GTF2E1: variants seen among roughly 807,000 people sequenced by gnomAD.
GTF2E1 encodes the protein TFIIE alpha subunit.
In GTF2E1, 14 loss-of-function variants were observed where a neutral mutation model predicts 34.9. That is an observed-to-expected ratio of 0.40 (90% confidence interval 0.27 to 0.63). The LOEUF is 0.63. GTF2E1 is among the 20% of genes least tolerant of loss of function. The pLI is 0.39. For missense variants in GTF2E1, 469 were observed against 557.7 expected (o/e 0.84, Z 1.60); for synonymous variants, 188 against 192.9 (o/e 0.97, Z 0.21).
intron 2 of GTF2E1, among the ~76,000 whole-genome samples, chr3:120,763,653 G>A (rs1051142496): frequency 6.6e-6 from 1 of 152,152 alleles, no homozygotes; most frequent in Non-Finnish European, 1.5e-5. Context: ...AGCTTTTTGA[G>A]TGAAGGGGAG....
At chr3:120,747,026 G>T (rs1709111832) in intron 1 of GTF2E1, among the ~76,000 whole-genome samples, 1 of 151,826 alleles carries the variant, frequency 6.6e-6, no homozygotes, top group African/African-American at 2.4e-5. Flanking sequence ...TAAGGGATTT[G>T]CTCAGGATTA....
Position 120,767,329 on chromosome 3 carries a change from A to G in GTF2E1, c.449-3399A>G, listed in dbSNP as rs532460687. Among the ~76,000 whole-genome samples the G allele has an allele frequency of 3.7e-4, 56 of 152,300 alleles. No homozygotes were observed. The South Asian group carries it at 6.4e-3, about 17-fold the overall frequency. On this transcript the variant is annotated intron_variant, in intron 2 of 4. Coordinates refer to ENST00000283875, the MANE Select transcript of GTF2E1 (RefSeq NM_005513.3). Reference sequence around the variant, plus strand: ...AGTATTTCTCTTCAGAGCAAAGAGCAGGTTTGCTTATGGTCCAGTATAAAA... The same window carrying G: ...AGTATTTCTCTTCAGAGCAAAGAGCGGGTTTGCTTATGGTCCAGTATAAAA...
At chr3:120,754,124 TG>T (rs1248609006) in intron 2 of GTF2E1, among the ~76,000 whole-genome samples, 1 of 152,160 alleles carries the variant, frequency 6.6e-6, no homozygotes, top group Non-Finnish European at 1.5e-5. Context: ...CAACCATGGG[TG>T]ATTTAGTTAA....
rs141486123 is a variant in GTF2E1, at chr3:120,752,021, AT to A, written c.448+1026del. ...GGTACATTTTAAATAATTAAAAAAA[AT>A]TTTTAAGTGGGAAATAACCCCAATA... On this transcript the variant is annotated intron_variant, in intron 2 of 4. Coordinates refer to ENST00000283875, the MANE Select transcript of GTF2E1 (RefSeq NM_005513.3). Among the ~76,000 whole-genome samples the A allele has an allele frequency of 4.5e-3, 684 of 152,310 alleles. 7 individuals carry two copies. Among genetic ancestry groups the A allele is most frequent in the African/African-American group, 0.016 (649 of 41,574 alleles).
intron 1 of GTF2E1, among the ~76,000 whole-genome samples, chr3:120,743,301 A>G (rs748906869): frequency 6.6e-6 from 1 of 152,184 alleles, no homozygotes; most frequent in Non-Finnish European, 1.5e-5. Context: ...CAGTCAGTAC[A>G]ATCTTTTAAC....
intron 2 of GTF2E1, among the ~76,000 whole-genome samples, chr3:120,751,990 A>G (rs1197595227): frequency 6.6e-6 from 1 of 152,146 alleles, no homozygotes; most frequent in Non-Finnish European, 1.5e-5. Flanking sequence ...TTTTTATGTT[A>G]TATATGGTAC....
At chr3:120,745,179 G>A (rs1709094509) in intron 1 of GTF2E1, among the ~76,000 whole-genome samples, 1 of 152,118 alleles carries the variant, frequency 6.6e-6, no homozygotes, top group Admixed American at 6.5e-5. Flanking sequence ...TGCAATTACA[G>A]GTATTAGCCA....
intron 1 of GTF2E1, among the ~76,000 whole-genome samples, chr3:120,746,025 A>C (rs1343427362): frequency 6.6e-6 from 1 of 152,032 alleles, no homozygotes; most frequent in Admixed American, 6.6e-5. Flanking sequence ...CTTTTGACTG[A>C]CTTTTACTTT....
intron 2 of GTF2E1, among the ~76,000 whole-genome samples, chr3:120,759,744 G>A (rs1486576863): frequency 1.3e-5 from 2 of 152,282 alleles, no homozygotes; most frequent in East Asian, 3.9e-4. Context: ...AGATCAGATG[G>A]TTATAGAGGT....
chr3:120,747,361 A>T (rs929856464), intron 1 of GTF2E1, among the ~76,000 whole-genome samples: 6 of 151,968 alleles, frequency 3.9e-5, no homozygotes, highest in Non-Finnish European at 8.8e-5. Flanking sequence ...CTCGTAATTT[A>T]ACATTAGGTA....
intron 2 of GTF2E1, among the ~76,000 whole-genome samples, chr3:120,761,113 T>C (rs1006201503): frequency 3.0e-4 from 46 of 152,336 alleles, no homozygotes; most frequent in African/African-American, 8.9e-4. Context: ...TATTGGTCTA[T>C]TCAGAGATTC....
At chr3:120,770,627 T>C in intron 2 of GTF2E1, 101 bp from the exon 3 acceptor site, 1 of 803,574 alleles carries the variant, frequency 1.2e-6, no homozygotes, top group Non-Finnish European at 2.1e-6. Context: ...AACCTTTGTG[T>C]ATATTTGAAA....
At chr3:120,755,094 A>C (rs1709197387) in intron 2 of GTF2E1, among the ~76,000 whole-genome samples, 1 of 152,186 alleles carries the variant, frequency 6.6e-6, no homozygotes, top group South Asian at 2.1e-4. Context: ...AGCATAAAGA[A>C]GTCTTTGATA....
At chr3:120,752,029 G>A (rs1709168568) in intron 2 of GTF2E1, among the ~76,000 whole-genome samples, 1 of 152,084 alleles carries the variant, frequency 6.6e-6, no homozygotes, top group South Asian at 2.1e-4. Context: ...AAATTTTTAA[G>A]TGGGAAATAA....
intron 1 of GTF2E1, among the ~76,000 whole-genome samples, chr3:120,748,866 A>C (rs1047297760): frequency 6.6e-6 from 1 of 152,188 alleles, no homozygotes; most frequent in African/African-American, 2.4e-5. Flanking sequence ...CACGATATTG[A>C]TTCTTCCTAC....
At chr3:120,780,565 A>G (rs1400856109) in intron 4 of GTF2E1, among the ~76,000 whole-genome samples, 3 of 152,308 alleles carry the variant, frequency 2.0e-5, no homozygotes, top group Middle Eastern at 3.4e-3. Context: ...AGGATTCCAG[A>G]TGATGTGGGA....
intron 4 of GTF2E1, among the ~76,000 whole-genome samples, chr3:120,779,071 ACT>A (rs1256151923): frequency 2.0e-5 from 3 of 152,178 alleles, no homozygotes; most frequent in Non-Finnish European, 4.4e-5. Context: ...TCCTAGAACC[ACT>A]GTTTCTACTT....
intron 3 of GTF2E1, among the ~76,000 whole-genome samples, chr3:120,773,444 G>A (rs927139770): frequency 9.2e-5 from 14 of 152,110 alleles, no homozygotes; most frequent in Admixed American, 2.6e-4. Flanking sequence ...TCTGTAATCA[G>A]TTAAATTCTA....
At chr3:120,778,348 AT>A (rs1709418507) in intron 4 of GTF2E1, among the ~76,000 whole-genome samples, 1 of 152,286 alleles carries the variant, frequency 6.6e-6, no homozygotes, top group East Asian at 1.9e-4. Flanking sequence ...TCATGTCTGA[AT>A]TTATCCTAAG....
Sources: gnomAD v4.1 joint callset for allele counts (sites outside exome capture counted in the v4.1 genomes callset) on GRCh38, gnomAD v4.1.1 for gene constraint, MANE v1.5 for transcripts, NCBI Gene and HGNC (gene_info 2026-07-23, HGNC 2026-07-21) for gene names.